The following AHCYL2 variants were observed in gnomAD, a reference collection of about 807,000 sequenced individuals.
AHCYL2 encodes the protein S-adenosylhomocysteine hydrolase-like protein 2.
In AHCYL2, 28 loss-of-function variants were observed where a neutral mutation model predicts 81.4. That is an observed-to-expected ratio of 0.34 (90% CI 0.25 to 0.47). AHCYL2 has a LOEUF of 0.47. Among genes scored for constraint, AHCYL2 ranks in the 20% least tolerant of loss-of-function variants. The probability of loss-of-function intolerance (pLI) is 1.00; values close to 1 mark genes in which losing one functional copy is unlikely to be tolerated. For synonymous variants in AHCYL2, 272 were observed against 290.2 expected (o/e 0.94, Z 0.64); for missense variants, 551 against 785.1 (o/e 0.70, Z 3.56).
rs567260978 is a variant in AHCYL2, at chr7:129,424,348, C to G, written c.1561-526C>G. ...CCAGGGGGCAGAGGTTACAGTGAGT[C>G]AAGATCATGCCATGGAACTCCAGCC... On this transcript the variant is annotated intron_variant, in intron 13 of 16. Transcript: ENST00000325006. 1.6e-4 allele frequency among the ~76,000 whole-genome samples: 24 copies of G among 152,146 alleles called. No homozygotes were observed. In the East Asian group the frequency reaches 4.6e-3, roughly 29 times the overall value.
In AHCYL2 at chr7:129,367,408, G is replaced by A. The variant is rs143323930; in HGVS notation, c.364-12230G>A. Reference sequence around the variant, plus strand: ...GGAATGAACTAAGCAGGTGAGATAGGCTAGCTTACCTTTTTTCTAGTTATG... The same window carrying A: ...GGAATGAACTAAGCAGGTGAGATAGACTAGCTTACCTTTTTTCTAGTTATG... On this transcript the variant is annotated intron_variant, in intron 1 of 16. Coordinates refer to ENST00000325006, the MANE Select transcript of AHCYL2 (RefSeq NM_015328.4). Among the ~76,000 whole-genome samples, 619 of 152,290 alleles carry A rather than the reference G, an allele frequency of 4.1e-3. 4 individuals are homozygous for A. The highest frequency in any genetic ancestry group is 0.01 in the Middle Eastern group (3 of 294).
At chr7:129,404,205 G>A (rs910343139) in intron 7 of AHCYL2, among the ~76,000 whole-genome samples, 2 of 151,988 alleles carry the variant, frequency 1.3e-5, no homozygotes, top group East Asian at 3.8e-4. Context: ...AAAACAGACA[G>A]AAAAAAACTC....
intron 1 of AHCYL2, among the ~76,000 whole-genome samples, chr7:129,300,991 G>T (rs1287010640): frequency 6.6e-6 from 1 of 152,044 alleles, no homozygotes; most frequent in Non-Finnish European, 1.5e-5. Flanking sequence ...AATAATTTTT[G>T]TATTTTTAGT....
chr7:129,321,748 T>TG (rs1301776863), intron 1 of AHCYL2, among the ~76,000 whole-genome samples: 1 of 145,540 alleles, frequency 6.9e-6, no homozygotes, highest in Non-Finnish European at 1.5e-5. Context: ...TCTTTGTTTT[T>TG]TTTTTTTTTT....
chr7:129,231,142 G>A (rs1225943675), intron 1 of AHCYL2, among the ~76,000 whole-genome samples: 1 of 151,978 alleles, frequency 6.6e-6, no homozygotes, highest in Admixed American at 6.6e-5. Context: ...TGAGGCAGGA[G>A]AATCACTTGA....
At chr7:129,422,317 G>A (rs1250728056) in intron 12 of AHCYL2, among the ~76,000 whole-genome samples, 3 of 152,180 alleles carry the variant, frequency 2.0e-5, no homozygotes, top group Non-Finnish European at 4.4e-5. Context: ...TCGGATATGA[G>A]GGCAGAACCT....
intron 1 of AHCYL2, among the ~76,000 whole-genome samples, chr7:129,358,588 A>AG (rs1163826889): frequency 2.0e-5 from 3 of 152,296 alleles, no homozygotes; most frequent in African/African-American, 7.2e-5. Flanking sequence ...CAGGGGCTGG[A>AG]GGGAAGGGAG....
intron 10 of AHCYL2, among the ~76,000 whole-genome samples, chr7:129,407,471 G>A (rs1305446579): frequency 2.0e-5 from 3 of 152,062 alleles, no homozygotes; most frequent in African/African-American, 7.2e-5. Context: ...ATTGTCTCTT[G>A]CCATCCTCAG....
intron 1 of AHCYL2, among the ~76,000 whole-genome samples, chr7:129,308,531 G>A (rs1161025120): frequency 6.6e-6 from 1 of 152,210 alleles, no homozygotes; most frequent in African/African-American, 2.4e-5. Flanking sequence ...ACCAGGTACT[G>A]TGATTGCTCA....
chr7:129,403,860 CAAAAAAAAAAAAAAAAA>C (rs34806455), intron 7 of AHCYL2, among the ~76,000 whole-genome samples: 1 of 80,200 alleles, frequency 1.2e-5, no homozygotes, highest in East Asian at 3.5e-4. Context: ...GACTCCATCT[CAAAAAAAAAAAAAAAAA>C]AAAAAAAAAA....
At chr7:129,238,008 C>A (rs1014100942) in intron 1 of AHCYL2, among the ~76,000 whole-genome samples, 3 of 152,124 alleles carry the variant, frequency 2.0e-5, no homozygotes, top group African/African-American at 7.2e-5. Flanking sequence ...ATGTGAGCCA[C>A]CACACCTGGC....
rs1563164611 is a variant in AHCYL2 at position 129,245,123 on chromosome 7, C to T, written c.363+19684C>T. ...CACTGCAGTCTCCGCCTCCTGGGCT[C>T]AAGTGATTCTCTTACTTCAGCCTCC... On this transcript the variant is annotated intron_variant, in intron 1 of 16. Coordinates refer to ENST00000325006, the MANE Select transcript of AHCYL2 (RefSeq NM_015328.4). Among the ~76,000 whole-genome samples the T allele has an allele frequency of 2.0e-5, 3 of 150,212 alleles. No individual in the cohort carries two copies. The East Asian group carries it at 5.9e-4, about 29-fold the overall frequency.
At chr7:129,346,926 C>G (rs2150823814) in intron 1 of AHCYL2, among the ~76,000 whole-genome samples, 1 of 152,272 alleles carries the variant, frequency 6.6e-6, no homozygotes, top group Admixed American at 6.5e-5. Context: ...AACTGTGGTA[C>G]ATCCAGACAA....
intron 1 of AHCYL2, among the ~76,000 whole-genome samples, chr7:129,367,754 A>G (rs925803922): frequency 2.0e-5 from 3 of 152,232 alleles, no homozygotes; most frequent in African/African-American, 7.2e-5. Flanking sequence ...TATGTAGCAC[A>G]GGGAGCCAGC....
chr7:129,306,836 G>A (rs988128179), intron 1 of AHCYL2, among the ~76,000 whole-genome samples: 1 of 152,202 alleles, frequency 6.6e-6, no homozygotes, highest in Non-Finnish European at 1.5e-5. Context: ...CAGTAATGCT[G>A]TAGTTCATAC....
At chr7:129,344,863 T>C (rs907067437) in intron 1 of AHCYL2, among the ~76,000 whole-genome samples, 6 of 152,020 alleles carry the variant, frequency 3.9e-5, no homozygotes, top group African/African-American at 1.4e-4. Context: ...CAAATAGAAA[T>C]CCTTCCTTCA....
intron 1 of AHCYL2, among the ~76,000 whole-genome samples, chr7:129,289,826 A>T (rs1237886701): frequency 6.7e-6 from 1 of 150,000 alleles, no homozygotes; most frequent in Non-Finnish European, 1.5e-5. Context: ...TCTGTTGCCC[A>T]GGCTGGAGTG....
chr7:129,326,498 C>G (rs1013267456), intron 1 of AHCYL2, among the ~76,000 whole-genome samples: 3 of 151,974 alleles, frequency 2.0e-5, no homozygotes, highest in Admixed American at 6.6e-5. Flanking sequence ...TACACTCCAG[C>G]CTGGGTGAAA....
intron 1 of AHCYL2, among the ~76,000 whole-genome samples, chr7:129,324,059 C>T (rs62480620): frequency 2.7e-5 from 4 of 150,630 alleles, no homozygotes; most frequent in African/African-American, 4.9e-5. Context: ...TTGTAGATTT[C>T]GTAGATTTTG....
Sources: gnomAD v4.1 joint callset for allele counts (sites outside exome capture counted in the v4.1 genomes callset) on GRCh38, gnomAD v4.1.1 for gene constraint, MANE v1.5 for transcripts, NCBI Gene and HGNC (gene_info 2026-07-23, HGNC 2026-07-21) for gene names.